Variants in MCTP1 observed in about 807,000 individuals in gnomAD.
MCTP1 encodes multiple C2 and transmembrane domain-containing protein 1.
Under a neutral mutation model 120.6 loss-of-function variants are expected in MCTP1, and 69 were observed. The ratio of observed to expected loss-of-function variants is 0.57; its 90% confidence interval spans 0.47 to 0.70. MCTP1 has a LOEUF of 0.70. Among genes scored for constraint, MCTP1 ranks in the 30% least tolerant of loss-of-function variants. MCTP1 has a pLI of 0.00. For synonymous variants in MCTP1, 529 were observed against 493.1 expected (o/e 1.07, Z -0.96); for missense variants, 1,203 against 1,248.8 (o/e 0.96, Z 0.55).
At chr5:94,757,080 C>T (rs1165358720) in intron 19 of MCTP1, among the ~76,000 whole-genome samples, 1 of 152,098 alleles carries the variant, frequency 6.6e-6, no homozygotes, top group Non-Finnish European at 1.5e-5. Flanking sequence ...ATGTGAATGA[C>T]AGAACCTACC....
At chr5:94,791,112 C>CAAAAAAAAAAAAAAAAA (rs60394333) in intron 18 of MCTP1, among the ~76,000 whole-genome samples, 1 of 99,662 alleles carries the variant, frequency 1.0e-5, no homozygotes, top group African/African-American at 3.9e-5. Context: ...GTCTCTACTA[C>CAAAAAAAAAAAAAAAAA]AAAAAAAAAA....
intron 1 of MCTP1, among the ~76,000 whole-genome samples, chr5:95,154,828 T>C (rs1032471047): frequency 6.6e-6 from 1 of 152,060 alleles, no homozygotes; most frequent in Non-Finnish European, 1.5e-5. Flanking sequence ...ATTGTGACAA[T>C]GGTGGATAAA....
chr5:95,027,385 T>C (rs1681875374), intron 1 of MCTP1, among the ~76,000 whole-genome samples: 2 of 152,222 alleles, frequency 1.3e-5, no homozygotes, highest in South Asian at 2.1e-4. Flanking sequence ...CAGGTTGTTA[T>C]TTAGCAGAGA....
intron 1 of MCTP1, among the ~76,000 whole-genome samples, chr5:95,135,952 T>C (rs1402523498): frequency 6.6e-5 from 10 of 152,236 alleles, no homozygotes; most frequent in Non-Finnish European, 2.9e-5. Context: ...AGCAAATGTA[T>C]TGAAAGCCAA....
In MCTP1 at chr5:95,191,655, G is replaced by A. The variant is rs930000413; in HGVS notation, c.720+92201C>T. On this transcript the variant is annotated intron_variant, in intron 1 of 22. Transcript: ENST00000515393. ...AAGGTGAAAATAAGTATATTGGTTTGCTTGAAAATATTTCCTCTACTATTC... is the reference window on the plus strand; with the variant it reads ...AAGGTGAAAATAAGTATATTGGTTTACTTGAAAATATTTCCTCTACTATTC... Among the ~76,000 whole-genome samples, 6 of 151,866 alleles carry A rather than the reference G, an allele frequency of 4.0e-5. No homozygotes were observed. The South Asian group carries it at 6.2e-4, about 16-fold the overall frequency.
rs138151280 is a variant in MCTP1, at chr5:94,855,042, G to A, written c.2436+13291C>T. On this transcript the variant is annotated intron_variant, in intron 17 of 22. Transcript: ENST00000515393. ...AGACAGAAAAATGTTCTTTTCCAAT[G>A]TCATTCTAAACTAAAACTCTAAACA... 3.3e-3 allele frequency among the ~76,000 whole-genome samples: 494 copies of A among 151,824 alleles called. 3 individuals are homozygous for A. The highest frequency in any genetic ancestry group is 0.012 in the African/African-American group (479 of 41,476).
At chr5:94,895,842 T>C (rs1444195205) in intron 10 of MCTP1, among the ~76,000 whole-genome samples, 3 of 152,196 alleles carry the variant, frequency 2.0e-5, no homozygotes, top group Non-Finnish European at 2.9e-5. Context: ...TTTTGCCTAC[T>C]GGTTAATATG....
Position 95,061,408 on chromosome 5 carries a change from G to GTTGTTTTTTTTTTTTTT in MCTP1, c.721-43925_721-43924insAAAAAAAAAAAAAACAA, listed in dbSNP as rs1749067994. Among the ~76,000 whole-genome samples the GTTGTTTTTTTTTTTTTT allele has an allele frequency of 1.0e-3, 35 of 33,484 alleles. 10 individuals carry two copies. Among genetic ancestry groups the GTTGTTTTTTTTTTTTTT allele is most frequent in the Non-Finnish European group, 1.6e-3 (26 of 16,076 alleles). 22.0% of individuals were successfully genotyped at this position (33,484 alleles called of 152,430 possible). On this transcript the variant is annotated intron_variant, in intron 1 of 22. Transcript: ENST00000515393. ...ATCAATTTTCACAAACCCCTTAAGG[G>GTTGTTTTTTTTTTTTTT]TTTTTTTTTTTTTTTTTTTTTTTTT...
intron 2 of MCTP1, among the ~76,000 whole-genome samples, chr5:94,966,314 T>C (rs1260382764): frequency 1.3e-5 from 2 of 152,180 alleles, no homozygotes; most frequent in Non-Finnish European, 2.9e-5. Context: ...ATAACTACTG[T>C]GTGAAAGTAT....
At chr5:95,066,442 G>A (rs539778130) in intron 1 of MCTP1, among the ~76,000 whole-genome samples, 1 of 152,070 alleles carries the variant, frequency 6.6e-6, no homozygotes, top group South Asian at 2.1e-4. Context: ...CAGTACAGAG[G>A]TTCCTCAAAA....
intron 1 of MCTP1, among the ~76,000 whole-genome samples, chr5:95,033,511 G>A (rs565814520): frequency 3.0e-4 from 45 of 152,004 alleles, no homozygotes; most frequent in South Asian, 2.1e-3. Context: ...GAAAAAGCAC[G>A]TCATAAAATC....
chr5:95,264,834 TGA>T (rs1758756053), intron 1 of MCTP1, among the ~76,000 whole-genome samples: 2 of 152,096 alleles, frequency 1.3e-5, no homozygotes, highest in Admixed American at 6.5e-5. Context: ...AGAGTCTGCC[TGA>T]GAGAGATGTC....
Position 94,707,351 on chromosome 5 carries a change from T to G in MCTP1, c.*145A>C. 1 of 640,566 alleles carries G rather than the reference T, an allele frequency of 1.6e-6. No homozygotes were observed. The highest frequency in any genetic ancestry group is 2.7e-6 in the Non-Finnish European group (1 of 365,398). The allele number at this position is 640,566 out of a possible 1,614,324, so 39.7% of individuals were successfully genotyped here. A position where few individuals can be genotyped will look rare whatever the true frequency, so the allele number is the denominator to read the frequency against. ...AAGTATATATTCAAAGACATATGCC[T>G]TTGTACACTATTTACAGATTCTCTC... On this transcript the variant is annotated 3_prime_UTR_variant, in exon 23 of 23. Coordinates refer to ENST00000515393, the MANE Select transcript of MCTP1 (RefSeq NM_024717.7).
intron 1 of MCTP1, among the ~76,000 whole-genome samples, chr5:95,107,603 C>T (rs1434337527): frequency 6.6e-6 from 1 of 152,284 alleles, no homozygotes; most frequent in East Asian, 1.9e-4. Flanking sequence ...AAAGTTCTGC[C>T]TCAGCCTCCA....
In MCTP1 at chr5:95,276,616, T is replaced by C. The variant is rs1030777576; in HGVS notation, c.720+7240A>G. Among the ~76,000 whole-genome samples the C allele has an allele frequency of 2.7e-5, 4 of 150,650 alleles. No homozygotes were observed. In the South Asian group the frequency reaches 8.4e-4, roughly 32 times the overall value. On this transcript the variant is annotated intron_variant, in intron 1 of 22. Transcript: ENST00000515393. Reference sequence around the variant, plus strand: ...GTAAAGGGAAGATAAGAGACTTTCTTAGATAATGGGCTTGGGATGCAGAAG... The same window carrying C: ...GTAAAGGGAAGATAAGAGACTTTCTCAGATAATGGGCTTGGGATGCAGAAG...
chr5:94,936,193 T>C (rs1329157412), intron 5 of MCTP1, among the ~76,000 whole-genome samples: 1 of 151,942 alleles, frequency 6.6e-6, no homozygotes, highest in Admixed American at 6.6e-5. Context: ...TAATCATGAT[T>C]TGATATTGTT....
chr5:94,976,720 G>C (rs1828196033), intron 2 of MCTP1: 1 of 152,072 alleles, frequency 6.6e-6, no homozygotes, highest in African/African-American at 2.4e-5. Context: ...TATGTGTATA[G>C]AGAAGTTATG....
chr5:95,177,483 G>C (rs1031218860), intron 1 of MCTP1, among the ~76,000 whole-genome samples: 2 of 152,182 alleles, frequency 1.3e-5, no homozygotes, highest in African/African-American at 4.8e-5. Flanking sequence ...GTCCCCAAGA[G>C]AATCACGGTT....
intron 1 of MCTP1, among the ~76,000 whole-genome samples, chr5:95,078,232 G>T (rs1293063226): frequency 1.3e-5 from 2 of 152,116 alleles, no homozygotes; most frequent in African/African-American, 4.8e-5. Flanking sequence ...CCCAAATGAT[G>T]ACTTTCACCA....
Sources: gnomAD v4.1 joint callset for allele counts (sites outside exome capture counted in the v4.1 genomes callset) on GRCh38, gnomAD v4.1.1 for gene constraint, MANE v1.5 for transcripts, NCBI Gene and HGNC (gene_info 2026-07-23, HGNC 2026-07-21) for gene names.